DOCK10: variants seen among roughly 807,000 people sequenced by gnomAD.
DOCK10 encodes the protein dedicator of cytokinesis protein 10.
A neutral mutation model predicts 280.1 loss-of-function variants in DOCK10; 145 were observed. The observed-to-expected ratio is 0.52, with a 90% CI of 0.45 to 0.59. The LOEUF (loss-of-function observed/expected upper bound fraction) is 0.59, where lower values mean the gene tolerates loss of function less well. Among genes scored for constraint, DOCK10 ranks in the 20% least tolerant of loss-of-function variants. DOCK10 has a pLI of 0.00. For synonymous variants in DOCK10, 915 were observed against 942.2 expected (o/e 0.97, Z 0.53); for missense variants, 2,368 against 2,651.7 (o/e 0.89, Z 2.35).
intron 50 of DOCK10, among the ~76,000 whole-genome samples, chr2:224,780,681 C>G (rs1217924722): frequency 2.0e-5 from 3 of 152,052 alleles, no homozygotes; most frequent in Non-Finnish European, 4.4e-5. Context: ...GTGGGCGGAT[C>G]ACAAAGTACA....
chr2:225,009,194 T>C (rs1575162932), intron 1 of DOCK10, among the ~76,000 whole-genome samples: 3 of 152,214 alleles, frequency 2.0e-5, no homozygotes, highest in Admixed American at 6.5e-5. Context: ...TAGGTTTAAG[T>C]GGTTAAAATT....
chr2:224,962,260 A>C (rs528050297), intron 1 of DOCK10, among the ~76,000 whole-genome samples: 1 of 152,344 alleles, frequency 6.6e-6, no homozygotes, highest in Non-Finnish European at 1.5e-5. Context: ...ATTGGACAAA[A>C]ATTGACACAT....
intron 30 of DOCK10, among the ~76,000 whole-genome samples, chr2:224,815,384 T>C (rs1324049061): frequency 6.6e-6 from 1 of 152,140 alleles, no homozygotes; most frequent in African/African-American, 2.4e-5. Context: ...AGTAAGCAAC[T>C]GAAATAAAAA....
chr2:224,817,211 G>C (rs6742694), intron 29 of DOCK10, among the ~76,000 whole-genome samples: 39,769 of 152,062 alleles, frequency 0.26, 8,379 homozygotes, highest in African/African-American at 0.59. Context: ...TAATTAATTC[G>C]TCTTTCCTCC....
At chr2:224,836,651 G>A (rs1419402498) in intron 25 of DOCK10, among the ~76,000 whole-genome samples, 2 of 151,078 alleles carry the variant, frequency 1.3e-5, no homozygotes, top group East Asian at 3.9e-4. Flanking sequence ...CCAGGCTGGA[G>A]TGCAGTGGCA....
intron 47 of DOCK10, among the ~76,000 whole-genome samples, chr2:224,791,621 C>T (rs758920368): frequency 4.1e-5 from 6 of 147,200 alleles, no homozygotes; most frequent in Admixed American, 6.9e-5. Flanking sequence ...CCTGCCACCA[C>T]GCCCGGCTAA....
intron 1 of DOCK10, among the ~76,000 whole-genome samples, chr2:224,999,240 GTCTCTC>G (rs916845973): frequency 7.1e-6 from 1 of 139,936 alleles, no homozygotes; most frequent in Non-Finnish European, 1.5e-5. Flanking sequence ...CTCTTTCTCT[GTCTCTC>G]TCTCTTTTTT....
Position 224,856,877 on chromosome 2 carries a change from T to C in DOCK10, c.1791A>G (p.Leu597=), listed in dbSNP as rs774193326. The C allele has an allele frequency of 5.6e-6, 9 of 1,609,494 alleles. No individual in the cohort carries two copies. The highest frequency in any genetic ancestry group is 1.1e-5 in the South Asian group (1 of 90,456). ...SKISTEDLVK[L]VSDYRRADRI... Reference sequence around the variant, plus strand: ...AAACATACCTTCTATAATCTGATACTAGTTTAACTAGGTCCTCAGTTGAAA... The same window carrying C: ...AAACATACCTTCTATAATCTGATACCAGTTTAACTAGGTCCTCAGTTGAAA... The change falls in exon 15 of 56, where the codon CTA becomes CTG. Residue 597 remains leucine, a synonymous_variant. Transcript: ENST00000258390.
In DOCK10 at chr2:224,931,599, G is replaced by T. The variant is rs753918496; in HGVS notation, c.193C>A (p.Arg65=). The change falls in exon 2 of 56, where the codon CGG becomes AGG. Residue 65 remains arginine, a synonymous_variant. Transcript: ENST00000258390. ...TVIEELEKTY[R]NDPLQDLLFF... is the part of the protein sequence containing the mutation. ...AAGAGATCTTGAAGAGGATCATTCC[G>T]GTAGGTCTTTTCAAGTTCTTCAATG... 14 of 1,611,924 alleles carry T rather than the reference G, an allele frequency of 8.7e-6. No individual in the cohort carries two copies. In the South Asian group the frequency reaches 9.9e-5, roughly 11 times the overall value.
chr2:224,952,408 G>A (rs1703788463), intron 1 of DOCK10, among the ~76,000 whole-genome samples: 1 of 152,082 alleles, frequency 6.6e-6, no homozygotes, highest in South Asian at 2.1e-4. Flanking sequence ...TTGGCTTCTA[G>A]ATCATTTACT....
chr2:224,800,208 A>G lies in DOCK10; in HGVS notation c.4449T>C (p.Ala1483=). The G allele has an allele frequency of 6.2e-7, 1 of 1,612,444 alleles. No individual in the cohort carries two copies. Among genetic ancestry groups the G allele is most frequent in the South Asian group, 1.1e-5 (1 of 90,872 alleles). Reference sequence around the variant, plus strand: ...CCAGAATAGTGAGGCAAACCTCCGTAGCTATATTGGCCTCAGTGTCTACAT... The same window carrying G: ...CCAGAATAGTGAGGCAAACCTCCGTGGCTATATTGGCCTCAGTGTCTACAT... ...VHHVDTEANI[A]TEVCLTILDL... Residue 1483 remains alanine, a synonymous_variant, in exon 41 of 56, where the codon GCT becomes GCC. Transcript: ENST00000258390.
chr2:224,909,258 G>A (rs1033430328), intron 3 of DOCK10, among the ~76,000 whole-genome samples: 2 of 152,162 alleles, frequency 1.3e-5, no homozygotes, highest in Non-Finnish European at 2.9e-5. Flanking sequence ...ACCCCTTGTG[G>A]GAGTGGTGCT....
At chr2:224,783,645 A>G (rs552397604) in intron 50 of DOCK10, among the ~76,000 whole-genome samples, 7 of 152,186 alleles carry the variant, frequency 4.6e-5, no homozygotes, top group African/African-American at 1.4e-4. Flanking sequence ...AAATCAGCAC[A>G]CTTTACTGAG....
chr2:224,841,397 T>C (rs934607391), intron 23 of DOCK10, among the ~76,000 whole-genome samples: 2 of 152,132 alleles, frequency 1.3e-5, no homozygotes, highest in Non-Finnish European at 2.9e-5. Flanking sequence ...AATGAATACG[T>C]TAGAAAAAAA....
intron 1 of DOCK10, among the ~76,000 whole-genome samples, chr2:224,977,086 C>A (rs1705486633): frequency 6.6e-6 from 1 of 152,174 alleles, no homozygotes; most frequent in Admixed American, 6.5e-5. Flanking sequence ...GAAGAGATTT[C>A]ACCTTCCCAA....
intron 1 of DOCK10, among the ~76,000 whole-genome samples, chr2:224,976,682 TAA>T (rs34819325): frequency 1.8e-4 from 23 of 130,226 alleles, no homozygotes; most frequent in East Asian, 4.5e-4. Flanking sequence ...CAAAGTTAAT[TAA>T]AAAAAAAAAA....
chr2:224,771,042 C>T (rs534852761), intron 53 of DOCK10, among the ~76,000 whole-genome samples: 30 of 152,122 alleles, frequency 2.0e-4, no homozygotes, highest in Non-Finnish European at 2.5e-4. Context: ...GTAATCCTCT[C>T]GCCTCAGCCT....
chr2:225,017,365 A>T (rs1689639189), intron 1 of DOCK10, among the ~76,000 whole-genome samples: 1 of 152,078 alleles, frequency 6.6e-6, no homozygotes, highest in Non-Finnish European at 1.5e-5. Context: ...CATTATAAGG[A>T]GAGAAATAGA....
At chr2:225,016,301 AT>A (rs1450903273) in intron 1 of DOCK10, among the ~76,000 whole-genome samples, 1 of 152,074 alleles carries the variant, frequency 6.6e-6, no homozygotes, top group Admixed American at 6.5e-5. Context: ...CATATAGAAA[AT>A]TTAGATTTTA....
Sources: gnomAD v4.1 joint callset for allele counts (sites outside exome capture counted in the v4.1 genomes callset) on GRCh38, gnomAD v4.1.1 for gene constraint, MANE v1.5 for transcripts, NCBI Gene and HGNC (gene_info 2026-07-23, HGNC 2026-07-21) for gene names.